Variants in GSE1 observed in about 807,000 individuals in gnomAD.
GSE1 encodes the protein genetic suppressor element 1.
In GSE1, 32 loss-of-function variants were observed where a neutral mutation model predicts 112.6. The observed-to-expected ratio is 0.28, with a 90% CI of 0.21 to 0.38. The LOEUF (loss-of-function observed/expected upper bound fraction) is 0.38, where lower values mean the gene tolerates loss of function less well. Among genes scored for constraint, GSE1 ranks in the 10% least tolerant of loss-of-function variants. The pLI is 1.00. For synonymous variants in GSE1, 1,115 were observed against 735.6 expected, an observed-to-expected ratio of 1.52 and a Z score of -8.35; for missense variants, 2,348 against 1,699.2, an observed-to-expected ratio of 1.38 and a Z score of -6.71.
At chr16:85,216,772 C>A (rs1332710049) in intron 1 of GSE1, among the ~76,000 whole-genome samples, 1 of 152,224 alleles carries the variant, frequency 6.6e-6, no homozygotes, top group Middle Eastern at 3.2e-3. Flanking sequence ...TGGGGGACTC[C>A]CTGGCCTTGG....
chr16:85,498,876 T>C (rs2051269497), intron 2 of GSE1, among the ~76,000 whole-genome samples: 1 of 152,228 alleles, frequency 6.6e-6, no homozygotes, highest in African/African-American at 2.4e-5. Context: ...AGGGCCATTG[T>C]GGTTAGAGCA....
intron 1 of GSE1, among the ~76,000 whole-genome samples, chr16:85,198,039 G>A (rs182178703): frequency 1.2e-4 from 19 of 152,220 alleles, no homozygotes; most frequent in African/African-American, 4.3e-4. Flanking sequence ...TTGGTTGGGC[G>A]AGTCCTGTTC....
At chr16:85,566,185 C>A (rs906999154) in intron 1 of GSE1, among the ~76,000 whole-genome samples, 3 of 152,216 alleles carry the variant, frequency 2.0e-5, no homozygotes, top group African/African-American at 7.2e-5. Context: ...ATGCTCCCAG[C>A]TGCACGCCGT....
intron 3 of GSE1, among the ~76,000 whole-genome samples, chr16:85,650,654 C>G (rs1322244629): frequency 6.6e-6 from 1 of 152,190 alleles, no homozygotes; most frequent in African/African-American, 2.4e-5. Flanking sequence ...CACCGCGGCG[C>G]TTAATGGAAC....
At chr16:85,381,098 G>T (rs527627249) in intron 2 of GSE1, among the ~76,000 whole-genome samples, 1 of 152,154 alleles carries the variant, frequency 6.6e-6, no homozygotes, top group Non-Finnish European at 1.5e-5. Context: ...TAGCTCTGCC[G>T]TTCCTCACTC....
In GSE1 at chr16:85,663,103, T is replaced by TG. The variant is rs1480501413; in HGVS notation, c.2373+10_2373+11insG. 6.4e-7 allele frequency: 1 copy of TG among 1,564,656 alleles called. No homozygotes were observed. The highest frequency in any genetic ancestry group is 1.4e-5 in the African/African-American group (1 of 73,934). ...GGACACGTCCTCTGAGGTACTGGGC[T>TG]CTCCTCCCCACGGACATGCTCTGGG... On this transcript the variant is annotated intron_variant, in intron 10 of 15. Transcript: ENST00000253458.
chr16:85,459,479 C>G (rs905891693), intron 2 of GSE1, among the ~76,000 whole-genome samples: 4 of 152,222 alleles, frequency 2.6e-5, no homozygotes, highest in African/African-American at 9.6e-5. Flanking sequence ...TTTCCCTGGG[C>G]TCTTGTTGGC....
chr16:85,628,242 C>T (rs1026829886), intron 1 of GSE1, among the ~76,000 whole-genome samples: 12 of 152,236 alleles, frequency 7.9e-5, no homozygotes, highest in Non-Finnish European at 1.5e-4. Flanking sequence ...TGAAGCCGCT[C>T]ATTTGGAATT....
At chr16:85,634,178 G>A (rs1382727739) in intron 2 of GSE1, 46 bp downstream of exon 2, 13 of 1,303,518 alleles carry the variant, frequency 1.0e-5, no homozygotes, top group Middle Eastern at 2.7e-4. Context: ...GGCGGCTCCC[G>A]AGGCCGGGAC....
chr16:85,382,054 T>C (rs975529834), intron 2 of GSE1, among the ~76,000 whole-genome samples: 8 of 152,370 alleles, frequency 5.3e-5, no homozygotes, highest in Middle Eastern at 6.8e-3. Flanking sequence ...CCCGGCTTTC[T>C]GTTGATCTGA....
chr16:85,363,933 C>T lies in GSE1; in HGVS notation c.2464+6290C>T, dbSNP rs536305947. Among the ~76,000 whole-genome samples, 3 of 152,352 alleles carry T rather than the reference C, an allele frequency of 2.0e-5. No individual in the cohort carries two copies. The South Asian group carries it at 6.2e-4, about 32-fold the overall frequency. On this transcript the variant is annotated intron_variant, in intron 2 of 2. Transcript: ENST00000637419. ...ACTTCTGCCTTGCCGATCACCATGG[C>T]AGGGGCTTACTTAAGAAGAGGTCTG...
intron 1 of GSE1, among the ~76,000 whole-genome samples, chr16:85,601,194 CT>C (rs1168069842): frequency 6.6e-6 from 1 of 151,806 alleles, no homozygotes; most frequent in East Asian, 1.9e-4. Context: ...CCAGACGCCC[CT>C]AGTGCAGTCG....
chr16:85,618,804 C>T (rs1372006164), intron 1 of GSE1, among the ~76,000 whole-genome samples: 3 of 152,220 alleles, frequency 2.0e-5, no homozygotes, highest in South Asian at 4.1e-4. Context: ...ACCACTGATG[C>T]GTGCCGCGAC....
intron 1 of GSE1, among the ~76,000 whole-genome samples, chr16:85,301,628 T>G (rs1018259563): frequency 3.3e-5 from 5 of 152,226 alleles, no homozygotes; most frequent in African/African-American, 1.2e-4. Context: ...CAGTGCTTTC[T>G]AATGGACATC....
At position 85,646,085 on chromosome 16, in the gene GSE1, TA is replaced by T. The variant is rs1567710899; in HGVS notation, c.227-2466del. Among the ~76,000 whole-genome samples the T allele has an allele frequency of 2.6e-4, 34 of 131,676 alleles. 1 individual carries two copies. Among genetic ancestry groups the T allele is most frequent in the African/African-American group, 1.0e-3 (30 of 28,722 alleles). 86.4% of individuals were successfully genotyped at this position (131,676 alleles called of 152,430 possible). A position where few individuals can be genotyped will look rare whatever the true frequency, so the allele number is the denominator to read the frequency against. ...CCTATGCATGCATTCTACCTGCTTC[TA>T]CCACGCTTCCTATGCATGCATTCTA... On this transcript the variant is annotated intron_variant, in intron 2 of 15. Coordinates refer to ENST00000253458, the MANE Select transcript of GSE1 (RefSeq NM_014615.5).
intron 2 of GSE1, among the ~76,000 whole-genome samples, chr16:85,638,707 T>G (rs1200980594): frequency 9.0e-6 from 1 of 110,812 alleles, no homozygotes. Flanking sequence ...ACCTTCCCCA[T>G]TCTTGCCACC....
intron 2 of GSE1, among the ~76,000 whole-genome samples, chr16:85,418,069 C>T (rs1349400832): frequency 6.6e-6 from 1 of 152,214 alleles, no homozygotes; most frequent in African/African-American, 2.4e-5. Context: ...GAACTCCTGA[C>T]CTCGTGATCC....
At chr16:85,289,884 A>G (rs752227) in intron 1 of GSE1, among the ~76,000 whole-genome samples, 43,008 of 152,034 alleles carry the variant, frequency 0.28, 7,029 homozygotes, top group East Asian at 0.46. Context: ...AGCCCCTGGT[A>G]GAGCTTCTGA....
At chr16:85,667,598 T>C (rs1458900091) in intron 13 of GSE1, among the ~76,000 whole-genome samples, 1 of 152,204 alleles carries the variant, frequency 6.6e-6, no homozygotes, top group Non-Finnish European at 1.5e-5. Context: ...TGGCTCACGC[T>C]TGTAATTCCA....
Sources: gnomAD v4.1 joint callset for allele counts (sites outside exome capture counted in the v4.1 genomes callset) on GRCh38, gnomAD v4.1.1 for gene constraint, MANE v1.5 for transcripts, NCBI Gene and HGNC (gene_info 2026-07-23, HGNC 2026-07-21) for gene names.